TPRG1: variants seen among roughly 807,000 people sequenced by gnomAD.
TPRG1 encodes the protein tumor protein p63-regulated gene 1 protein.
A neutral mutation model predicts 29.3 loss-of-function variants in TPRG1; 29 were observed. That is an observed-to-expected ratio of 0.99 (90% confidence interval 0.74 to 1.35). The LOEUF (loss-of-function observed/expected upper bound fraction) is 1.35. TPRG1 is among the 40% of genes most tolerant of loss of function. The pLI is 0.00. For missense variants in TPRG1, 327 were observed against 335.0 expected, an observed-to-expected ratio of 0.98 and a Z score of 0.19; for synonymous variants, 130 against 116.8, an observed-to-expected ratio of 1.11 and a Z score of -0.73.
chr3:189,149,390 A>G (rs909313817), intron 4 of TPRG1, among the ~76,000 whole-genome samples: 3 of 152,238 alleles, frequency 2.0e-5, no homozygotes, highest in African/African-American at 7.2e-5. Flanking sequence ...TTTCATTCCA[A>G]GAACAGCACT....
Position 189,239,551 on chromosome 3 carries a change from G to A in TPRG1, c.479+642G>A, listed in dbSNP as rs139089846. Reference sequence around the variant, plus strand: ...GGGGAAAATGCACTCAACCTAATTTGTGTGTCACGTAATCAGAGAAAACTT... The same window carrying A: ...GGGGAAAATGCACTCAACCTAATTTATGTGTCACGTAATCAGAGAAAACTT... On this transcript the variant is annotated intron_variant, in intron 4 of 5. Transcript: ENST00000345063. Among the ~76,000 whole-genome samples the A allele has an allele frequency of 4.6e-5, 7 of 152,264 alleles. No individual in the cohort carries two copies. In the East Asian group the frequency reaches 1.4e-3, roughly 29 times the overall value.
intron 4 of TPRG1, among the ~76,000 whole-genome samples, chr3:189,260,169 G>A (rs1311646777): frequency 1.3e-5 from 2 of 152,144 alleles, no homozygotes; most frequent in African/African-American, 2.4e-5. Context: ...GGAGGGGAGG[G>A]TTGGATAATA....
chr3:189,211,278 T>A (rs1735218063), intron 2 of TPRG1, among the ~76,000 whole-genome samples: 2 of 152,184 alleles, frequency 1.3e-5, no homozygotes, highest in Non-Finnish European at 2.9e-5. Flanking sequence ...TGTTTAAATG[T>A]TTTAAACTAG....
At chr3:189,041,946 A>C (rs928491296) in intron 4 of TPRG1, among the ~76,000 whole-genome samples, 4 of 152,024 alleles carry the variant, frequency 2.6e-5, no homozygotes, top group African/African-American at 9.7e-5. Flanking sequence ...CTTGAGCCTC[A>C]CCCAATAATT....
chr3:189,189,383 CA>C (rs1482727485), intron 1 of TPRG1, among the ~76,000 whole-genome samples: 1 of 151,838 alleles, frequency 6.6e-6, no homozygotes, highest in Admixed American at 6.6e-5. Context: ...AGATAGTTGT[CA>C]ATTGGTTATA....
chr3:189,224,931 CTTT>C (rs139957231), intron 3 of TPRG1, among the ~76,000 whole-genome samples: 8 of 126,966 alleles, frequency 6.3e-5, no homozygotes, highest in Admixed American at 2.5e-4. Context: ...CTTCCTTTTT[CTTT>C]TTTTTTTTTT....
intron 4 of TPRG1, among the ~76,000 whole-genome samples, chr3:189,294,948 AC>A (rs1487400909): frequency 3.9e-5 from 6 of 152,144 alleles, no homozygotes; most frequent in Admixed American, 2.0e-4. Flanking sequence ...GGTGTGCTGC[AC>A]CCATTAACTC....
intron 4 of TPRG1, among the ~76,000 whole-genome samples, chr3:189,046,866 C>T (rs1204716828): frequency 6.6e-6 from 1 of 152,098 alleles, no homozygotes; most frequent in East Asian, 1.9e-4. Context: ...CTCAGACTAC[C>T]ACCACTAAAA....
intron 4 of TPRG1, among the ~76,000 whole-genome samples, chr3:189,289,163 T>A (rs77025429): frequency 0.019 from 2,838 of 152,300 alleles, 96 homozygotes; most frequent in African/African-American, 0.065. Context: ...CATCTCAGAC[T>A]CATCATCTTT....
chr3:189,254,435 A>T (rs1280023412), intron 4 of TPRG1, among the ~76,000 whole-genome samples: 1 of 152,172 alleles, frequency 6.6e-6, no homozygotes, highest in African/African-American at 2.4e-5. Context: ...CTTGTAGTAT[A>T]GTTTGAAGTC....
chr3:189,124,503 A>G (rs1356537411), intron 1 of TPRG1, among the ~76,000 whole-genome samples: 6 of 151,792 alleles, frequency 4.0e-5, no homozygotes, highest in African/African-American at 1.2e-4. Context: ...TGTTTCACGT[A>G]TACATATTAT....
At chr3:189,107,444 G>A (rs1372870793) in intron 1 of TPRG1, among the ~76,000 whole-genome samples, 1 of 152,112 alleles carries the variant, frequency 6.6e-6, no homozygotes, top group Non-Finnish European at 1.5e-5. Flanking sequence ...CTTCATACAT[G>A]TCTAACACAA....
At chr3:189,270,549 G>T (rs1714942804) in intron 4 of TPRG1, among the ~76,000 whole-genome samples, 1 of 152,186 alleles carries the variant, frequency 6.6e-6, no homozygotes, top group South Asian at 2.1e-4. Context: ...GCATGCAGCT[G>T]GAATGGCTGG....
At chr3:189,187,484 T>C (rs997674612) in intron 1 of TPRG1, among the ~76,000 whole-genome samples, 3 of 151,838 alleles carry the variant, frequency 2.0e-5, no homozygotes, top group Non-Finnish European at 4.4e-5. Context: ...TTTTATTTTT[T>C]TTTTTTGTAT....
intron 4 of TPRG1, among the ~76,000 whole-genome samples, chr3:189,256,610 A>T (rs1425225964): frequency 6.6e-6 from 1 of 152,086 alleles, no homozygotes; most frequent in Non-Finnish European, 1.5e-5. Flanking sequence ...TGGGGCATTA[A>T]AGTCTCCCAC....
At chr3:189,112,935 G>A (rs1720721318) in intron 1 of TPRG1, among the ~76,000 whole-genome samples, 2 of 152,090 alleles carry the variant, frequency 1.3e-5, no homozygotes, top group South Asian at 4.1e-4. Flanking sequence ...AGCTTGATAG[G>A]GATGGCATTG....
intron 1 of TPRG1, among the ~76,000 whole-genome samples, chr3:188,998,986 A>G (rs1711915645): frequency 2.0e-5 from 3 of 152,256 alleles, no homozygotes; most frequent in Non-Finnish European, 4.4e-5. Flanking sequence ...CCCAACACAA[A>G]GAAATGATAA....
chr3:189,057,914 A>G (rs961857890), intron 4 of TPRG1, among the ~76,000 whole-genome samples: 1 of 149,608 alleles, frequency 6.7e-6, no homozygotes, highest in African/African-American at 2.4e-5. Flanking sequence ...ACACGTATAT[A>G]TCTTGTATAT....
intron 4 of TPRG1, among the ~76,000 whole-genome samples, chr3:189,272,545 C>T (rs929402575): frequency 1.3e-5 from 2 of 152,116 alleles, no homozygotes; most frequent in Non-Finnish European, 2.9e-5. Flanking sequence ...TTCTTCAAAT[C>T]AGCTCAGTAG....
Sources: allele counts gnomAD v4.1 joint callset (sites outside exome capture counted in the v4.1 genomes callset), GRCh38; gene constraint gnomAD v4.1.1; transcripts MANE v1.5; gene names NCBI Gene and HGNC (gene_info 2026-07-23, HGNC 2026-07-21).